The following RBFOX1 variants were observed in gnomAD, a reference collection of about 807,000 sequenced individuals.
RBFOX1 encodes RNA binding protein fox-1 homolog 1.
A neutral mutation model predicts 57.7 loss-of-function variants in RBFOX1; 8 were observed. That is an observed-to-expected ratio of 0.14 (90% CI 0.08 to 0.25). The LOEUF (loss-of-function observed/expected upper bound fraction) is 0.25, where lower values mean the gene tolerates loss of function less well. Among genes scored for constraint, RBFOX1 ranks in the 10% least tolerant of loss-of-function variants. The probability of loss-of-function intolerance (pLI) is 1.00; values close to 1 mark genes in which losing one functional copy is unlikely to be tolerated. For missense variants in RBFOX1, 611 were observed against 548.5 expected, an observed-to-expected ratio of 1.11 and a Z score of -1.14; for synonymous variants, 326 against 222.4, an observed-to-expected ratio of 1.47 and a Z score of -4.15.
intron 2 of RBFOX1, among the ~76,000 whole-genome samples, chr16:6,542,483 C>CTTTTGTTTTTTTTTTTTT (rs2096835100): frequency 1.8e-5 from 1 of 55,720 alleles, no homozygotes; most frequent in Non-Finnish European, 3.0e-5. Flanking sequence ...GGACCATAGT[C>CTTTTGTTTTTTTTTTTTT]TTTTTTTTTT....
chr16:6,802,961 A>T (rs2085845023), intron 3 of RBFOX1, among the ~76,000 whole-genome samples: 1 of 152,184 alleles, frequency 6.6e-6, no homozygotes, highest in Non-Finnish European at 1.5e-5. Context: ...CTTCTTCCAC[A>T]ACAATTTTTA....
intron 1 of RBFOX1, among the ~76,000 whole-genome samples, chr16:6,069,140 T>A (rs933497722): frequency 2.6e-5 from 4 of 152,082 alleles, no homozygotes; most frequent in African/African-American, 9.7e-5. Context: ...GGCTGACGCA[T>A]GTAATCCCAG....
intron 4 of RBFOX1, among the ~76,000 whole-genome samples, chr16:5,889,651 C>G (rs1004986555): frequency 6.6e-6 from 1 of 152,234 alleles, no homozygotes; most frequent in Non-Finnish European, 1.5e-5. Flanking sequence ...CACATGTCCT[C>G]GTGCACTGAG....
intron 4 of RBFOX1, among the ~76,000 whole-genome samples, chr16:7,212,316 G>C (rs1002809308): frequency 6.6e-6 from 1 of 152,166 alleles, no homozygotes. Flanking sequence ...CCAATATTGG[G>C]ATGGTTCCCT....
chr16:5,975,640 G>C (rs1225776500), intron 4 of RBFOX1, among the ~76,000 whole-genome samples: 1 of 152,096 alleles, frequency 6.6e-6, no homozygotes. Flanking sequence ...CAGTTCTGGA[G>C]TAAAGGATGT....
chr16:6,446,747 A>G (rs2094494133), intron 2 of RBFOX1, among the ~76,000 whole-genome samples: 1 of 152,322 alleles, frequency 6.6e-6, no homozygotes, highest in Non-Finnish European at 1.5e-5. Context: ...GTTATTCTAA[A>G]TCATTTTATT....
At chr16:6,828,994 C>G (rs1038097160) in intron 3 of RBFOX1, among the ~76,000 whole-genome samples, 13 of 151,926 alleles carry the variant, frequency 8.6e-5, no homozygotes, top group African/African-American at 2.7e-4. Context: ...AATCTCTGTA[C>G]TTCCACTGTT....
intron 4 of RBFOX1, among the ~76,000 whole-genome samples, chr16:7,393,479 C>G (rs955344402): frequency 6.6e-6 from 1 of 152,132 alleles, no homozygotes; most frequent in Non-Finnish European, 1.5e-5. Context: ...TTTTCCTACC[C>G]CATCTGTCTT....
intron 4 of RBFOX1, among the ~76,000 whole-genome samples, chr16:7,226,084 C>A (rs2093096842): frequency 6.6e-6 from 1 of 151,968 alleles, no homozygotes; most frequent in African/African-American, 2.4e-5. Context: ...GCAAGATGCT[C>A]ACCCTCAACT....
At chr16:5,611,880 C>T (rs1408318313) in intron 3 of RBFOX1, among the ~76,000 whole-genome samples, 1 of 147,180 alleles carries the variant, frequency 6.8e-6, no homozygotes, top group African/African-American at 2.5e-5. Flanking sequence ...GTAATCCCTG[C>T]ACTTTGTAAG....
intron 4 of RBFOX1, among the ~76,000 whole-genome samples, chr16:7,204,927 G>T (rs910882515): frequency 6.6e-6 from 1 of 152,110 alleles, no homozygotes; most frequent in Non-Finnish European, 1.5e-5. Context: ...CACTGTCTGG[G>T]ACTATGCACT....
At chr16:6,892,854 C>G (rs1196671018) in intron 3 of RBFOX1, among the ~76,000 whole-genome samples, 4 of 149,530 alleles carry the variant, frequency 2.7e-5, no homozygotes, top group African/African-American at 7.5e-5. Flanking sequence ...TTCTGTGCCC[C>G]CCTCCCCTGT....
At chr16:7,093,706 G>A (rs547926718) in intron 4 of RBFOX1, among the ~76,000 whole-genome samples, 4 of 152,256 alleles carry the variant, frequency 2.6e-5, no homozygotes, top group African/African-American at 7.2e-5. Context: ...ACTTTGTCTG[G>A]CAGAGGGAGT....
intron 3 of RBFOX1, among the ~76,000 whole-genome samples, chr16:5,769,570 T>C (rs1019897710): frequency 3.9e-5 from 6 of 151,948 alleles, no homozygotes; most frequent in Non-Finnish European, 2.9e-5. Context: ...AGAGAATTGC[T>C]TGAAGTCAGA....
intron 1 of RBFOX1, among the ~76,000 whole-genome samples, chr16:6,153,994 A>T (rs1230669997): frequency 6.6e-6 from 1 of 152,216 alleles, no homozygotes; most frequent in Non-Finnish European, 1.5e-5. Flanking sequence ...AAATGGGTAT[A>T]GTTATATCTG....
chr16:5,689,391 A>G (rs2050600190), intron 3 of RBFOX1, among the ~76,000 whole-genome samples: 1 of 152,206 alleles, frequency 6.6e-6, no homozygotes, highest in Admixed American at 6.5e-5. Flanking sequence ...CAATTGGTAA[A>G]TGGTAACTAT....
chr16:5,638,030 C>T (rs2048741161), intron 3 of RBFOX1, among the ~76,000 whole-genome samples: 1 of 152,196 alleles, frequency 6.6e-6, no homozygotes, highest in Non-Finnish European at 1.5e-5. Context: ...TGGGCAATCC[C>T]CCATCTCATA....
chr16:5,702,808 T>C (rs556064053), intron 3 of RBFOX1, among the ~76,000 whole-genome samples: 1 of 152,308 alleles, frequency 6.6e-6, no homozygotes, highest in Non-Finnish European at 1.5e-5. Context: ...GTGTGTGTTG[T>C]GGAACTAAGT....
At chr16:7,392,086 G>C (rs1186351169) in intron 4 of RBFOX1, among the ~76,000 whole-genome samples, 3 of 152,166 alleles carry the variant, frequency 2.0e-5, no homozygotes, top group East Asian at 3.9e-4. Context: ...ATTATTTTCA[G>C]TGTTTGAAAG....
Sources: gnomAD v4.1 joint callset for allele counts (sites outside exome capture counted in the v4.1 genomes callset) on GRCh38, gnomAD v4.1.1 for gene constraint, MANE v1.5 for transcripts, NCBI Gene and HGNC (gene_info 2026-07-23, HGNC 2026-07-21) for gene names.